The following MAP2K1 variants were observed in gnomAD, a reference collection of about 807,000 sequenced individuals.
MAP2K1 encodes dual specificity mitogen-activated protein kinase kinase 1.
A neutral mutation model predicts 46.3 loss-of-function variants in MAP2K1; 16 were observed. The observed-to-expected ratio is 0.35, with a 90% CI of 0.23 to 0.52. The LOEUF (loss-of-function observed/expected upper bound fraction) is 0.52, where lower values mean the gene tolerates loss of function less well. Among genes scored for constraint, MAP2K1 ranks in the 20% least tolerant of loss-of-function variants. The pLI, the probability that MAP2K1 is intolerant of heterozygous loss-of-function variation, is 0.94. For missense variants in MAP2K1, 263 were observed against 497.1 expected (o/e 0.53, Z 4.48); for synonymous variants, 183 against 185.6 (o/e 0.99, Z 0.11).
At chr15:66,446,419 C>T (rs1306265773) in intron 5 of MAP2K1, 4 of 158,232 alleles carry the variant, frequency 2.5e-5, no homozygotes, top group Non-Finnish European at 2.7e-5. Context: ...CCAGCCTGGG[C>T]GACAGAGTGA....
chr15:66,468,734 C>T (rs1302770361), intron 5 of MAP2K1, among the ~76,000 whole-genome samples: 1 of 151,970 alleles, frequency 6.6e-6, no homozygotes, highest in Non-Finnish European at 1.5e-5. Flanking sequence ...AGTTCAAGAC[C>T]AGCCTGGCCA....
chr15:66,419,436 C>T (rs911936122), intron 1 of MAP2K1, among the ~76,000 whole-genome samples: 1 of 151,746 alleles, frequency 6.6e-6, no homozygotes, highest in Non-Finnish European at 1.5e-5. Context: ...AGGAGAATTG[C>T]TTGAACCTGG....
At position 66,386,946 on chromosome 15, in the gene MAP2K1, G is replaced by C; in HGVS notation, c.-402G>C. 2 of 255,362 alleles carry C rather than the reference G, an allele frequency of 7.8e-6. No individual in the cohort carries two copies. Among genetic ancestry groups the C allele is most frequent in the East Asian group, 1.2e-4 (2 of 16,934 alleles). 15.8% of individuals were successfully genotyped at this position (255,362 alleles called of 1,614,324 possible). On this transcript the variant is annotated 5_prime_UTR_variant, in exon 1 of 11. Transcript: ENST00000307102. Reference sequence around the variant, plus strand: ...CAGGGCCGCTTCGCAGAGCGGCTAGGAGCACGGCGGCGGCGGCACTTTCCC... The same window carrying C: ...CAGGGCCGCTTCGCAGAGCGGCTAGCAGCACGGCGGCGGCGGCACTTTCCC...
At chr15:66,419,404 C>T (rs1171272505) in intron 1 of MAP2K1, among the ~76,000 whole-genome samples, 2 of 151,810 alleles carry the variant, frequency 1.3e-5, no homozygotes, top group African/African-American at 2.4e-5. Flanking sequence ...CCTGTAATCC[C>T]AGCTACTGGG....
chr15:66,418,409 G>A (rs2093429424), intron 1 of MAP2K1, among the ~76,000 whole-genome samples: 1 of 151,472 alleles, frequency 6.6e-6, no homozygotes, highest in Admixed American at 6.6e-5. Context: ...GACCAGCATG[G>A]GCCATTATTA....
chr15:66,388,617 C>G (rs1310062380), intron 1 of MAP2K1, among the ~76,000 whole-genome samples: 1 of 152,160 alleles, frequency 6.6e-6, no homozygotes, highest in African/African-American at 2.4e-5. Context: ...CTCCTGGACT[C>G]TAGCGATCCT....
chr15:66,489,780 C>T lies in MAP2K1; in HGVS notation c.1068+17C>T, dbSNP rs566984700. 49 of 1,604,550 alleles carry T rather than the reference C, an allele frequency of 3.1e-5. No homozygotes were observed. In the East Asian group the frequency reaches 3.8e-4, roughly 12 times the overall value. The stretch of plus-strand genomic sequence containing the variant: ...CAACTCATGGTGAGTCTATTTATTC[C>T]GGATTCTTACAGTACCTGTTTATTC... On this transcript the variant is annotated intron_variant, in intron 10 of 10. Transcript: ENST00000307102.
intron 3 of MAP2K1, among the ~76,000 whole-genome samples, chr15:66,440,918 T>G (rs962558239): frequency 6.6e-6 from 1 of 152,118 alleles, no homozygotes; most frequent in Non-Finnish European, 1.5e-5. Flanking sequence ...TGAAGCTCTG[T>G]GGAGGTTAAA....
intron 3 of MAP2K1, 104 bp from the exon 4 acceptor site, chr15:66,443,176 T>A: frequency 1.7e-5 from 10 of 572,508 alleles, no homozygotes; most frequent in Middle Eastern, 3.1e-4. Context: ...AAGCTCCGCC[T>A]CCCAGGTTCA....
chr15:66,467,822 A>G (rs1272753773), intron 5 of MAP2K1, among the ~76,000 whole-genome samples: 1 of 152,202 alleles, frequency 6.6e-6, no homozygotes, highest in Non-Finnish European at 1.5e-5. Context: ...TGGCCTCCCA[A>G]AGTGCTGGGA....
chr15:66,420,721 A>ATATATATATATATATATGTGTGTG (rs1461381065), intron 1 of MAP2K1, among the ~76,000 whole-genome samples: 1 of 29,702 alleles, frequency 3.4e-5, no homozygotes, highest in African/African-American at 1.2e-4. Context: ...ATATATATAT[A>ATATATATATATATATATGTGTGTG]TGTGTGTGTG....
rs77134523 is a variant in MAP2K1 at position 66,388,307 on chromosome 15, A to G, written c.80+880A>G. Among the ~76,000 whole-genome samples the G allele has an allele frequency of 4.6e-3, 703 of 152,302 alleles. 9 individuals carry two copies. The highest frequency in any genetic ancestry group is 0.016 in the African/African-American group (684 of 41,572). On this transcript the variant is annotated intron_variant, in intron 1 of 10. Coordinates refer to ENST00000307102, the MANE Select transcript of MAP2K1 (RefSeq NM_002755.4). The stretch of plus-strand genomic sequence containing the variant: ...TGGGTTCTAGGTAAGGGACAAGACT[A>G]TGTGAGGGAAAGCTGCTTAGCTAGC...
chr15:66,392,279 T>TTTTA (rs1555412519), intron 1 of MAP2K1, among the ~76,000 whole-genome samples: 1 of 133,458 alleles, frequency 7.5e-6, no homozygotes, highest in Non-Finnish European at 1.6e-5. Context: ...TTTTTTTTTT[T>TTTTA]AAGAAAGGGT....
chr15:66,444,352 G>T (rs1891804697), intron 4 of MAP2K1, among the ~76,000 whole-genome samples: 1 of 151,474 alleles, frequency 6.6e-6, no homozygotes, highest in Non-Finnish European at 1.5e-5. Context: ...CGACAAACAT[G>T]GAGAAACCCC....
intron 1 of MAP2K1, among the ~76,000 whole-genome samples, chr15:66,405,948 G>A (rs1295489172): frequency 2.6e-5 from 4 of 152,224 alleles, no homozygotes; most frequent in Non-Finnish European, 5.9e-5. Flanking sequence ...CAGTTCAAAT[G>A]ACAGAGGGAT....
Position 66,396,469 on chromosome 15 carries a change from C to T in MAP2K1, c.80+9042C>T, listed in dbSNP as rs539994884. ...ATTTTTAGTAGAGACAGGATTTCAC[C>T]ATGTTGGTCAGGCTGGTCTCGAACT... is the stretch of plus-strand genomic sequence containing the variant. On this transcript the variant is annotated intron_variant, in intron 1 of 10. Coordinates refer to ENST00000307102, the MANE Select transcript of MAP2K1 (RefSeq NM_002755.4). Among the ~76,000 whole-genome samples the T allele has an allele frequency of 3.7e-3, 565 of 151,900 alleles. 6 individuals are homozygous for T. Among genetic ancestry groups the T allele is most frequent in the African/African-American group, 0.013 (555 of 41,384 alleles).
chr15:66,392,558 T>C (rs2093359146), intron 1 of MAP2K1, among the ~76,000 whole-genome samples: 1 of 149,780 alleles, frequency 6.7e-6, no homozygotes, highest in African/African-American at 2.4e-5. Flanking sequence ...TCTTTTCTTT[T>C]TTTTTTTTTT....
rs546915637 is a variant in MAP2K1 at position 66,483,752 on chromosome 15, T to C, written c.694-1238T>C. Among the ~76,000 whole-genome samples, 7 of 149,140 alleles carry C rather than the reference T, an allele frequency of 4.7e-5. No individual in the cohort carries two copies. The South Asian group carries it at 1.5e-3, about 32-fold the overall frequency. ...ACAACATTTGACATACATTTTCTTT[T>C]TTTTTTTTTTTTTGAGACGGAGTCT... On this transcript the variant is annotated intron_variant, in intron 6 of 10. Coordinates refer to ENST00000307102, the MANE Select transcript of MAP2K1 (RefSeq NM_002755.4).
At chr15:66,414,854 A>G (rs1164146447) in intron 1 of MAP2K1, 1 of 256,564 alleles carries the variant, frequency 3.9e-6, no homozygotes, top group African/African-American at 2.3e-5. Context: ...AGGATTCAGC[A>G]ACGATCGAGA....
Sources: gnomAD v4.1 joint callset for allele counts (sites outside exome capture counted in the v4.1 genomes callset) on GRCh38, gnomAD v4.1.1 for gene constraint, MANE v1.5 for transcripts, NCBI Gene and HGNC (gene_info 2026-07-23, HGNC 2026-07-21) for gene names.